HECTD4: variants seen among roughly 807,000 people sequenced by gnomAD.
The protein encoded by HECTD4 is HECT domain E3 ubiquitin protein ligase 4.
HECTD4 carries 114 observed loss-of-function variants against 471.5 expected under a neutral mutation model. That is an observed-to-expected ratio of 0.24 (90% confidence interval 0.21 to 0.28). HECTD4 has a LOEUF of 0.28. Among genes scored for constraint, HECTD4 ranks in the 10% least tolerant of loss-of-function variants. The pLI is 1.00. For missense variants in HECTD4, 3,866 were observed against 5,651.5 expected, an observed-to-expected ratio of 0.68 and a Z score of 10.13; for synonymous variants, 2,012 against 2,256.0, an observed-to-expected ratio of 0.89 and a Z score of 3.07.
In HECTD4 at chr12:112,256,445, T is replaced by C. The variant is rs1566089338; in HGVS notation, c.3202A>G (p.Thr1068Ala). The change falls in exon 21 of 76, where the codon ACT (threonine) becomes GCT (alanine). Residue 1068 changes from threonine (T) to alanine (A), a missense_variant. This residue lies in a region of HECTD4 where 525 missense variants were observed against 672.6 expected (regional missense o/e 0.78). Transcript: ENST00000682272. ...KIPAPWAAGKTVETVHPVRDN... is the reference protein window; with the variant it reads ...KIPAPWAAGKAVETVHPVRDN... ...CTGACGGGGTGGACTGTTTCCACAG[T>C]CTTTCCAGCAGCCCATGGGGCAGGA... 2 of 1,612,446 alleles carry C rather than the reference T, an allele frequency of 1.2e-6. No homozygotes were observed. Among genetic ancestry groups the C allele is most frequent in the Non-Finnish European group, 1.7e-6 (2 of 1,179,186 alleles).
chr12:112,174,656 C>A lies in HECTD4; in HGVS notation c.11594+1080G>T, dbSNP rs186224164. 2.6e-5 allele frequency among the ~76,000 whole-genome samples: 4 copies of A among 152,236 alleles called. No homozygotes were observed. The East Asian group carries it at 7.7e-4, about 29-fold the overall frequency. ...CTCGGCTCACTGCAACCTCTGCCTC[C>A]TGGGTTCAAGCGATTGTCCTGCCTC... is the stretch of plus-strand genomic sequence containing the variant. On this transcript the variant is annotated intron_variant, in intron 66 of 75. Transcript: ENST00000682272.
chr12:112,260,385 A>G (rs985221960), intron 18 of HECTD4, among the ~76,000 whole-genome samples: 2 of 152,146 alleles, frequency 1.3e-5, no homozygotes, highest in Non-Finnish European at 2.9e-5. Context: ...TGCAATGCCT[A>G]TCTGGGTTAT....
intron 6 of HECTD4, among the ~76,000 whole-genome samples, chr12:112,307,975 ATGCTTACTAGG>A (rs2035298431): frequency 6.6e-6 from 1 of 152,234 alleles, no homozygotes; most frequent in Non-Finnish European, 1.5e-5. Context: ...CACTTGCTGA[ATGCTTACTAGG>A]TGCCTAGCCT....
At chr12:112,195,909 T>A (rs1283683418) in intron 55 of HECTD4, among the ~76,000 whole-genome samples, 2 of 152,184 alleles carry the variant, frequency 1.3e-5, no homozygotes, top group Non-Finnish European at 1.5e-5. Flanking sequence ...CACCTGTAAT[T>A]CTAGCACTTT....
intron 1 of HECTD4, among the ~76,000 whole-genome samples, chr12:112,371,243 A>G (rs998814115): frequency 6.6e-6 from 1 of 152,224 alleles, no homozygotes; most frequent in African/African-American, 2.4e-5. Flanking sequence ...ACTATCTATT[A>G]TCTCATCTGC....
chr12:112,281,918 C>A (rs890024512), intron 8 of HECTD4, among the ~76,000 whole-genome samples: 3 of 152,154 alleles, frequency 2.0e-5, no homozygotes, highest in African/African-American at 4.8e-5. Flanking sequence ...GGTATGTAAT[C>A]TGTAAACTCT....
chr12:112,203,591 AGT>A (rs1247044459), intron 54 of HECTD4, 43 bp downstream of exon 54: 2 of 1,523,376 alleles, frequency 1.3e-6, no homozygotes, highest in Admixed American at 3.7e-5. Context: ...TGACAGCCTC[AGT>A]ATATATAAAA....
rs571391520 is a variant in HECTD4, at chr12:112,276,032, G to A, written c.1688-1072C>T. Among the ~76,000 whole-genome samples, 12 of 152,192 alleles carry A rather than the reference G, an allele frequency of 7.9e-5. No individual in the cohort carries two copies. The South Asian group carries it at 2.3e-3, about 29-fold the overall frequency. On this transcript the variant is annotated intron_variant, in intron 9 of 75. Coordinates refer to ENST00000682272, the MANE Select transcript of HECTD4 (RefSeq NM_001388303.1). ...GCAGCTCACAAATCTGCTCCACATGGATCCTTCCAGCAGGGATGCAGCATT... is the reference window on the plus strand; with the variant it reads ...GCAGCTCACAAATCTGCTCCACATGAATCCTTCCAGCAGGGATGCAGCATT...
rs748420590 is a variant in HECTD4, at chr12:112,185,081, G to C, written c.9885C>G (p.Ser3295=). 3.4e-5 allele frequency: 54 copies of C among 1,568,290 alleles called. No homozygotes were observed. Among genetic ancestry groups the C allele is most frequent in the Admixed American group, 5.7e-5 (3 of 52,926 alleles). ...APNLSDSSSS[S]SSSPGQTPQS... ...GTGGGGTCTGTCCTGGGGAGGACGA[G>C]GAGGAGGAGGACGAGTCACTGAGAT... Residue 3295 remains serine, a synonymous_variant, in exon 61 of 76, where the codon TCC becomes TCG. Transcript: ENST00000682272.
chr12:112,188,446 C>T lies in HECTD4; in HGVS notation c.9472+2340G>A, dbSNP rs541297313. ...GTTTGTGCCAAGGTCTCCTTCATAC[C>T]AGAGGCATATCTTACATTCACATAG... is the stretch of plus-strand genomic sequence containing the variant. On this transcript the variant is annotated intron_variant, in intron 60 of 75. Coordinates refer to ENST00000682272, the MANE Select transcript of HECTD4 (RefSeq NM_001388303.1). This position sits in a 1 kb window ranked among gnomAD's most constrained non-coding sequence, Gnocchi z 4.2. 2.3e-4 allele frequency among the ~76,000 whole-genome samples: 35 copies of T among 152,308 alleles called. No homozygotes were observed. Among genetic ancestry groups the T allele is most frequent in the African/African-American group, 8.2e-4 (34 of 41,570 alleles).
At chr12:112,370,163 C>A (rs138965596) in intron 1 of HECTD4, among the ~76,000 whole-genome samples, 2 of 152,106 alleles carry the variant, frequency 1.3e-5, no homozygotes, top group African/African-American at 2.4e-5. Context: ...CAGTAACATA[C>A]TCTGAAGATG....
chr12:112,319,176 G>A lies in HECTD4; in HGVS notation c.695+49C>T, dbSNP rs1361321355. The A allele has an allele frequency of 6.6e-7, 1 of 1,521,742 alleles. No homozygotes were observed. The highest frequency in any genetic ancestry group is 1.2e-5 in the South Asian group (1 of 82,882). 94.3% of individuals were successfully genotyped at this position (1,521,742 alleles called of 1,614,324 possible). A position where few individuals can be genotyped will look rare whatever the true frequency, so the allele number is the denominator to read the frequency against. ...GCCTCTTCTTCATTCACCCAACCCA[G>A]GTGGCAGTAGTCACAAGGTCACCAA... On this transcript the variant is annotated intron_variant, in intron 2 of 75. Coordinates refer to ENST00000682272, the MANE Select transcript of HECTD4 (RefSeq NM_001388303.1). The surrounding 1 kb of genome is among the most constrained non-coding windows in gnomAD (Gnocchi z 5.3).
chr12:112,207,116 G>A (rs78943573), intron 52 of HECTD4, among the ~76,000 whole-genome samples: 7,771 of 147,398 alleles, frequency 0.053, 252 homozygotes, highest in Middle Eastern at 0.15. Flanking sequence ...ATGTGTGTGT[G>A]TGTATGTATG....
At position 112,328,120 on chromosome 12, in the gene HECTD4, A is replaced by G. The variant is rs562375870; in HGVS notation, c.178-8378T>C. On this transcript the variant is annotated intron_variant, in intron 1 of 75. Coordinates refer to ENST00000682272, the MANE Select transcript of HECTD4 (RefSeq NM_001388303.1). The stretch of plus-strand genomic sequence containing the variant: ...AACCTCAATGTAAAACTATTTATTT[A>G]TTTATTTATTTATTTATTTATTTAT... Among the ~76,000 whole-genome samples the G allele has an allele frequency of 5.1e-3, 744 of 145,184 alleles. 12 individuals are homozygous for G. Among genetic ancestry groups the G allele is most frequent in the African/African-American group, 0.02 (721 of 36,134 alleles).
intron 1 of HECTD4, among the ~76,000 whole-genome samples, chr12:112,348,600 A>C (rs2036197283): frequency 6.6e-6 from 1 of 152,146 alleles, no homozygotes; most frequent in Non-Finnish European, 1.5e-5. Flanking sequence ...CTATAAAAAA[A>C]AATTAAAAGA....
At chr12:112,283,333 GAT>G (rs1426211744) in intron 7 of HECTD4, 31 bp from the exon 8 acceptor site, 44 of 1,543,958 alleles carry the variant, frequency 2.8e-5, no homozygotes, top group Non-Finnish European at 3.7e-5. Context: ...GTCCTAAAAT[GAT>G]ATCTGTTTCC....
chr12:112,354,864 G>A (rs908853843), intron 1 of HECTD4, among the ~76,000 whole-genome samples: 1 of 152,072 alleles, frequency 6.6e-6, no homozygotes, highest in Admixed American at 6.6e-5. Context: ...AAGAATTTGA[G>A]CCTTTGTACA....
chr12:112,192,849 C>CCA (rs1470129776), intron 58 of HECTD4, 84 bp from the exon 59 acceptor site: 19 of 1,288,800 alleles, frequency 1.5e-5, no homozygotes, highest in Non-Finnish European at 1.6e-5. Context: ...CACCAGGGGA[C>CCA]GTTAGATGAG....
intron 1 of HECTD4, among the ~76,000 whole-genome samples, chr12:112,368,973 G>A (rs929901461): frequency 4.6e-5 from 7 of 152,264 alleles, no homozygotes; most frequent in Admixed American, 1.3e-4. Context: ...TGTGCATTCT[G>A]AGCACACTTC....
Sources: allele counts gnomAD v4.1 joint callset (sites outside exome capture counted in the v4.1 genomes callset), GRCh38; gene constraint gnomAD v4.1.1; regional missense constraint gnomAD v4.1.1; non-coding constraint Gnocchi (gnomAD v3.1); transcripts MANE v1.5; gene names NCBI Gene and HGNC (gene_info 2026-07-23, HGNC 2026-07-21).